Variants in INPP5B observed in about 807,000 individuals in gnomAD.
INPP5B encodes type II inositol 1,4,5-trisphosphate 5-phosphatase.
INPP5B carries 90 observed loss-of-function variants against 118.5 expected under a neutral mutation model. The ratio of observed to expected loss-of-function variants is 0.76; its 90% CI spans 0.64 to 0.90. INPP5B has a LOEUF of 0.90. Ranked by LOEUF, INPP5B falls within the 40% of genes least tolerant of loss-of-function variation. The probability of loss-of-function intolerance (pLI) is 0.00; values close to 1 mark genes in which losing one functional copy is unlikely to be tolerated. For missense variants in INPP5B, 984 were observed against 1,125.6 expected, an observed-to-expected ratio of 0.87 and a Z score of 1.80; for synonymous variants, 385 against 418.9, an observed-to-expected ratio of 0.92 and a Z score of 0.99.
At chr1:37,866,627 A>T in intron 20 of INPP5B, 84 bp from the exon 21 acceptor site, 1 of 829,960 alleles carries the variant, frequency 1.2e-6, no homozygotes, top group South Asian at 1.4e-5. Flanking sequence ...TCAATAGCAG[A>T]ATGCAAAAAG....
intron 16 of INPP5B, among the ~76,000 whole-genome samples, chr1:37,876,506 A>G (rs1002018925): frequency 8.3e-5 from 11 of 132,292 alleles, no homozygotes; most frequent in Non-Finnish European, 6.3e-5. Flanking sequence ...TGAGCCCAGG[A>G]GTCACTTGAG....
At chr1:37,904,492 G>C (rs1027012175) in intron 7 of INPP5B, among the ~76,000 whole-genome samples, 3 of 152,120 alleles carry the variant, frequency 2.0e-5, no homozygotes, top group African/African-American at 7.2e-5. Flanking sequence ...AAAGTTAAGA[G>C]GGTATTATTC....
At position 37,862,216 on chromosome 1, in the gene INPP5B, AC is replaced by A. The variant is rs375953890; in HGVS notation, c.*98del. ...TCAGGAAATAGCTGCCATTCTTGCT[AC>A]CAAGTGGCCTCACATAATTATCTTA... On this transcript the variant is annotated 3_prime_UTR_variant, in exon 24 of 24. Coordinates refer to ENST00000373024, the MANE Select transcript of INPP5B (RefSeq NM_005540.3). The A allele has an allele frequency of 3.3e-3, 2,527 of 763,458 alleles. 8 individuals are homozygous for A. Among genetic ancestry groups the A allele is most frequent in the Non-Finnish European group, 4.9e-3 (2,160 of 436,986 alleles). The allele number at this position is 763,458 out of a possible 1,614,324, so 47.3% of individuals were successfully genotyped here. A position where few individuals can be genotyped will look rare whatever the true frequency, so the allele number is the denominator to read the frequency against.
chr1:37,908,576 A>C (rs1391763237), intron 7 of INPP5B, among the ~76,000 whole-genome samples: 1 of 151,772 alleles, frequency 6.6e-6, no homozygotes, highest in Non-Finnish European at 1.5e-5. Context: ...CGTTCTCCAG[A>C]AAAAGGAAAA....
intron 12 of INPP5B, among the ~76,000 whole-genome samples, chr1:37,886,041 G>A (rs1643512486): frequency 6.6e-6 from 1 of 151,986 alleles, no homozygotes; most frequent in African/African-American, 2.4e-5. Flanking sequence ...AGCTGGGTGT[G>A]GTGGCAGGCG....
chr1:37,879,683 G>A (rs559307213), intron 15 of INPP5B, among the ~76,000 whole-genome samples: 13 of 152,108 alleles, frequency 8.5e-5, no homozygotes, highest in African/African-American at 2.2e-4. Context: ...GCTTGAACTC[G>A]GGAGGCAGGG....
At chr1:37,899,838 C>T (rs751993929) in intron 7 of INPP5B, among the ~76,000 whole-genome samples, 18 of 151,744 alleles carry the variant, frequency 1.2e-4, no homozygotes, top group Non-Finnish European at 2.4e-4. Flanking sequence ...CTCAGCCTCC[C>T]GAGTATCCGG....
chr1:37,885,531 C>T lies in INPP5B; in HGVS notation c.1319+107G>A, dbSNP rs543445460. On this transcript the variant is annotated intron_variant, in intron 13 of 23. Transcript: ENST00000373024. ...TATAACCAAGAGGTGGGAGCTACCA[C>T]CATTGCAGCAATAGGAAACCACCAC... The T allele has an allele frequency of 1.4e-4, 121 of 885,484 alleles. 1 individual carries two copies. Among genetic ancestry groups the T allele is most frequent in the South Asian group, 7.5e-4 (45 of 60,072 alleles). The allele number at this position is 885,484 out of a possible 1,614,324, so 54.9% of individuals were successfully genotyped here. A position where few individuals can be genotyped will look rare whatever the true frequency, so the allele number is the denominator to read the frequency against.
chr1:37,885,831 G>A lies in INPP5B; in HGVS notation c.1132-6C>T. On this transcript the variant is annotated splice_polypyrimidine_tract_variant and splice_region_variant and intron_variant, in intron 12 of 23. Coordinates refer to ENST00000373024, the MANE Select transcript of INPP5B (RefSeq NM_005540.3). ...GCCACGCCTCCCTTGTTGCCCTATG[G>A]AAAGGATCCCCAAAGAAATCCAATT... 6.2e-7 allele frequency: 1 copy of A among 1,612,394 alleles called. No individual in the cohort carries two copies. The highest frequency in any genetic ancestry group is 8.5e-7 in the Non-Finnish European group (1 of 1,178,744).
Position 37,891,434 on chromosome 1 carries a change from A to G in INPP5B, c.553T>C (p.Leu185=). 2 of 1,613,778 alleles carry G rather than the reference A, an allele frequency of 1.2e-6. No homozygotes were observed. The highest frequency in any genetic ancestry group is 1.7e-6 in the Non-Finnish European group (2 of 1,179,696). Residue 185 remains leucine (L), a synonymous_variant, in exon 8 of 24, where the codon TTG becomes CTG. Coordinates refer to ENST00000373024, the MANE Select transcript of INPP5B (RefSeq NM_005540.3). The stretch of plus-strand genomic sequence containing the variant: ...GGCACTCCCTTCCCATTTGGTCTCA[A>G]ACCATCAAAGTTAGAACCACCTAAA... The part of the protein sequence containing the change: ...IGGGGSNFDG[L]RPNGKGVPMD...
chr1:37,937,721 T>G (rs530746562), intron 6 of INPP5B, among the ~76,000 whole-genome samples: 2 of 150,602 alleles, frequency 1.3e-5, no homozygotes, highest in African/African-American at 4.9e-5. Context: ...AAGCTGAGAT[T>G]GCACCACTGC....
In INPP5B at chr1:37,885,829, T is replaced by C. The variant is rs1260042694; in HGVS notation, c.1132-4A>G. 1.2e-6 allele frequency: 2 copies of C among 1,612,892 alleles called. No homozygotes were observed. Among genetic ancestry groups the C allele is most frequent in the African/African-American group, 1.3e-5 (1 of 75,030 alleles). On this transcript the variant is annotated splice_polypyrimidine_tract_variant and splice_region_variant and intron_variant, in intron 12 of 23. Coordinates refer to ENST00000373024, the MANE Select transcript of INPP5B (RefSeq NM_005540.3). The stretch of plus-strand genomic sequence containing the variant: ...TCGCCACGCCTCCCTTGTTGCCCTA[T>C]GGAAAGGATCCCCAAAGAAATCCAA...
chr1:37,932,001 C>G lies in INPP5B; in HGVS notation c.444G>C (p.Arg148Ser). The G allele has an allele frequency of 1.2e-6, 2 of 1,610,678 alleles. No individual in the cohort carries two copies. The highest frequency in any genetic ancestry group is 1.1e-5 in the South Asian group (1 of 91,012). Residue 148 changes from arginine to serine, a missense_variant, in exon 7 of 24, where the codon AGG becomes AGC. Arg to Ser is a moderately radical substitution (Grantham distance 110). Around this residue, in one of 2 missense-constraint regions of INPP5B, gnomAD observed 350 missense variants for 334.6 expected, o/e 1.05. Coordinates refer to ENST00000373024, the MANE Select transcript of INPP5B (RefSeq NM_005540.3). Reference protein sequence around the residue: ...DPEFLWLSRYRCAELELEMPT... With the variant: ...DPEFLWLSRYSCAELELEMPT... ...GCATCTCCAGCTCCAGCTCTGCGCA[C>G]CTATACCGAGACAGCCACAGGAATT...
intron 6 of INPP5B, among the ~76,000 whole-genome samples, chr1:37,938,065 G>A (rs1252270455): frequency 6.6e-6 from 1 of 151,082 alleles, no homozygotes; most frequent in Admixed American, 6.6e-5. Context: ...GAGGTCAGGA[G>A]TTCAAGACCA....
intron 7 of INPP5B, among the ~76,000 whole-genome samples, chr1:37,922,555 G>A (rs1310952778): frequency 2.0e-5 from 3 of 149,748 alleles, no homozygotes; most frequent in African/African-American, 7.4e-5. Flanking sequence ...AACTAGCCGG[G>A]CATGGTGGCA....
intron 3 of INPP5B, among the ~76,000 whole-genome samples, chr1:37,945,380 C>T (rs1056171965): frequency 1.3e-5 from 2 of 152,122 alleles, no homozygotes; most frequent in Non-Finnish European, 2.9e-5. Flanking sequence ...TTGCAGTGAG[C>T]CAAGATCACC....
rs749524115 is a variant in INPP5B at position 37,945,868 on chromosome 1, G to T, written c.58-18C>A. ...TGCACCGCCTGCGGCTCAGAGTCAAGGGAAGACAACCCAGAGGCGAGGCCT... is the reference window on the plus strand; with the variant it reads ...TGCACCGCCTGCGGCTCAGAGTCAATGGAAGACAACCCAGAGGCGAGGCCT... On this transcript the variant is annotated intron_variant, in intron 2 of 23. Transcript: ENST00000373024. 1.2e-6 allele frequency: 2 copies of T among 1,612,816 alleles called. No individual in the cohort carries two copies. Among genetic ancestry groups the T allele is most frequent in the Non-Finnish European group, 1.7e-6 (2 of 1,179,108 alleles).
At chr1:37,876,326 G>A (rs1262867388) in intron 16 of INPP5B, among the ~76,000 whole-genome samples, 1 of 151,380 alleles carries the variant, frequency 6.6e-6, no homozygotes, top group Non-Finnish European at 1.5e-5. Context: ...GGCTGGTCTT[G>A]AACTCCTGAG....
rs376402815 is a variant in INPP5B at position 37,908,535 on chromosome 1, C to T, written c.533-17081G>A. On this transcript the variant is annotated intron_variant, in intron 7 of 23. Transcript: ENST00000373024. ...GGAGGATAGCTTGAGCCCAGGAGTT[C>T]GAGACCTGCCTGGGCAATATAGCGA... Among the ~76,000 whole-genome samples the T allele has an allele frequency of 3.1e-4, 46 of 150,152 alleles. No homozygotes were observed. In the East Asian group the frequency reaches 8.2e-3, roughly 27 times the overall value.
Sources: gnomAD v4.1 joint callset for allele counts (sites outside exome capture counted in the v4.1 genomes callset) on GRCh38, gnomAD v4.1.1 for gene constraint, gnomAD v4.1.1 regional missense constraint, MANE v1.5 for transcripts, NCBI Gene and HGNC (gene_info 2026-07-23, HGNC 2026-07-21) for gene names.